The following CDH13 variants were observed in gnomAD, a reference collection of about 807,000 sequenced individuals.
CDH13 encodes cadherin-13.
A neutral mutation model predicts 63.8 loss-of-function variants in CDH13; 24 were observed. The ratio of observed to expected loss-of-function variants is 0.38; its 90% CI spans 0.27 to 0.53. The LOEUF is 0.53. Ranked by LOEUF, CDH13 falls within the 20% of genes least tolerant of loss-of-function variation. The pLI is 0.85. For synonymous variants in CDH13, 503 were observed against 355.3 expected (o/e 1.42, Z -4.67); for missense variants, 1,049 against 903.1 (o/e 1.16, Z -2.07).
At chr16:83,282,086 A>C (rs1449981046) in intron 5 of CDH13, among the ~76,000 whole-genome samples, 1 of 152,030 alleles carries the variant, frequency 6.6e-6, no homozygotes, top group Non-Finnish European at 1.5e-5. Context: ...TCCCAAGGAG[A>C]GGGAGAGAGA....
chr16:83,216,952 T>C (rs2039554104), intron 4 of CDH13, among the ~76,000 whole-genome samples: 1 of 152,144 alleles, frequency 6.6e-6, no homozygotes, highest in South Asian at 2.1e-4. Context: ...GGAATCTTGA[T>C]CAATGCATGC....
chr16:82,738,977 T>C (rs1466986053), intron 1 of CDH13, among the ~76,000 whole-genome samples: 1 of 152,212 alleles, frequency 6.6e-6, no homozygotes, highest in Non-Finnish European at 1.5e-5. Context: ...ATAAAGTTAA[T>C]GCAGAAATGA....
intron 2 of CDH13, among the ~76,000 whole-genome samples, chr16:83,025,434 C>T (rs1323649552): frequency 6.6e-6 from 1 of 152,154 alleles, no homozygotes; most frequent in Non-Finnish European, 1.5e-5. Context: ...CATCCTTCTT[C>T]ACATGGCAGC....
At chr16:82,665,677 A>C (rs543579182) in intron 1 of CDH13, among the ~76,000 whole-genome samples, 1 of 151,818 alleles carries the variant, frequency 6.6e-6, no homozygotes, top group Non-Finnish European at 1.5e-5. Flanking sequence ...TCATGCCTCA[A>C]CTCTGCTTGG....
At chr16:82,973,384 A>C (rs568915170) in intron 2 of CDH13, among the ~76,000 whole-genome samples, 3 of 152,266 alleles carry the variant, frequency 2.0e-5, no homozygotes, top group East Asian at 3.9e-4. Context: ...TGTCCTTAGA[A>C]ATTTTTCTAA....
chr16:83,511,478 T>G (rs1322205383), intron 7 of CDH13, among the ~76,000 whole-genome samples: 2 of 151,612 alleles, frequency 1.3e-5, no homozygotes, highest in African/African-American at 4.8e-5. Flanking sequence ...AAAAAAAAGT[T>G]TCATACTTTC....
At chr16:83,227,154 C>T (rs982521549) in intron 5 of CDH13, among the ~76,000 whole-genome samples, 1 of 152,188 alleles carries the variant, frequency 6.6e-6, no homozygotes, top group Non-Finnish European at 1.5e-5. Context: ...AAATTGATCA[C>T]AAACGATTGG....
chr16:83,420,409 C>G (rs896984633), intron 6 of CDH13, among the ~76,000 whole-genome samples: 1 of 152,102 alleles, frequency 6.6e-6, no homozygotes, highest in East Asian at 1.9e-4. Flanking sequence ...TGTTCAGTAC[C>G]AAGGACAGCT....
chr16:82,968,632 C>G (rs1387035441), intron 2 of CDH13, among the ~76,000 whole-genome samples: 5 of 152,160 alleles, frequency 3.3e-5, no homozygotes, highest in African/African-American at 7.2e-5. Context: ...CAAGACCCAT[C>G]TCTCCTTCTG....
intron 13 of CDH13, among the ~76,000 whole-genome samples, chr16:83,794,253 T>C (rs965912609): frequency 6.6e-6 from 1 of 152,170 alleles, no homozygotes; most frequent in Admixed American, 6.5e-5. Flanking sequence ...GAAATTAACA[T>C]ACCATGTTTG....
At chr16:83,672,923 G>T (rs952408167) in intron 9 of CDH13, among the ~76,000 whole-genome samples, 1 of 152,196 alleles carries the variant, frequency 6.6e-6, no homozygotes, top group African/African-American at 2.4e-5. Context: ...GTCATTCTAT[G>T]ACTTTTACAG....
intron 2 of CDH13, among the ~76,000 whole-genome samples, chr16:82,984,590 A>G (rs1032369487): frequency 3.3e-5 from 5 of 152,168 alleles, no homozygotes; most frequent in Admixed American, 6.5e-5. Flanking sequence ...GCCAGTCACT[A>G]TTTCAACTCA....
intron 1 of CDH13, among the ~76,000 whole-genome samples, chr16:82,760,759 G>C (rs1168884234): frequency 6.6e-6 from 1 of 152,100 alleles, no homozygotes; most frequent in African/African-American, 2.4e-5. Flanking sequence ...TCTGTTTCTG[G>C]TGAGGGCCTC....
chr16:83,189,330 G>C (rs2038624020), intron 4 of CDH13, among the ~76,000 whole-genome samples: 1 of 152,040 alleles, frequency 6.6e-6, no homozygotes, highest in Non-Finnish European at 1.5e-5. Context: ...AGTCTCCCTG[G>C]GACTTGCTGC....
intron 5 of CDH13, among the ~76,000 whole-genome samples, chr16:83,306,321 G>C (rs192620119): frequency 6.6e-6 from 1 of 152,192 alleles, no homozygotes; most frequent in East Asian, 1.9e-4. Flanking sequence ...TGTCGGGAGC[G>C]GGGAGGCTAG....
Position 83,433,102 on chromosome 16 carries a change from G to A in CDH13, c.782-53375G>A, listed in dbSNP as rs151207312. On this transcript the variant is annotated intron_variant, in intron 6 of 13. Coordinates refer to ENST00000567109, the MANE Select transcript of CDH13 (RefSeq NM_001257.5). ...AATGAGAGGCACAGAGAAGCCATCAGCAGGTGTTTACTGAGCACCTACTAT... is the reference window on the plus strand; with the variant it reads ...AATGAGAGGCACAGAGAAGCCATCAACAGGTGTTTACTGAGCACCTACTAT... 9.6e-3 allele frequency among the ~76,000 whole-genome samples: 1,465 copies of A among 152,300 alleles called. 9 individuals carry two copies. Among genetic ancestry groups the A allele is most frequent in the Middle Eastern group, 0.017 (5 of 294 alleles).
At chr16:83,289,546 C>A (rs1270579261) in intron 5 of CDH13, among the ~76,000 whole-genome samples, 1 of 152,164 alleles carries the variant, frequency 6.6e-6, no homozygotes, top group Non-Finnish European at 1.5e-5. Flanking sequence ...TTATCCTTCT[C>A]TTATTTGAGG....
intron 6 of CDH13, among the ~76,000 whole-genome samples, chr16:83,391,139 C>T (rs2091777763): frequency 6.6e-6 from 1 of 152,012 alleles, no homozygotes; most frequent in Admixed American, 6.6e-5. Flanking sequence ...CCTGAGAGGC[C>T]AATAAGTATC....
chr16:83,718,760 T>G (rs145982334), intron 10 of CDH13, among the ~76,000 whole-genome samples: 1 of 152,338 alleles, frequency 6.6e-6, no homozygotes, highest in African/African-American at 2.4e-5. Flanking sequence ...CCCTAGCTTC[T>G]GCAGCTATTT....
Sources: gnomAD v4.1 joint callset for allele counts (sites outside exome capture counted in the v4.1 genomes callset) on GRCh38, gnomAD v4.1.1 for gene constraint, MANE v1.5 for transcripts, NCBI Gene and HGNC (gene_info 2026-07-23, HGNC 2026-07-21) for gene names.